ARMH3: variants seen among roughly 807,000 people sequenced by gnomAD.
ARMH3 encodes the protein armadillo like helical domain containing 3.
ARMH3 carries 60 observed loss-of-function variants against 99.1 expected under a neutral mutation model. The observed-to-expected ratio is 0.61, with a 90% CI of 0.49 to 0.75. The LOEUF is 0.75. ARMH3 is among the 30% of genes least tolerant of loss of function. The pLI is 0.00. For synonymous variants in ARMH3, 285 were observed against 292.8 expected (o/e 0.97, Z 0.27); for missense variants, 679 against 843.1 (o/e 0.81, Z 2.41).
At chr10:101,934,148 A>G (rs1229707419) in intron 23 of ARMH3, among the ~76,000 whole-genome samples, 1 of 151,982 alleles carries the variant, frequency 6.6e-6, no homozygotes, top group East Asian at 1.9e-4. Flanking sequence ...ATACTCAATA[A>G]CCCCATTATC....
intron 19 of ARMH3, among the ~76,000 whole-genome samples, chr10:101,985,846 G>A (rs1429619791): frequency 1.3e-5 from 2 of 151,902 alleles, no homozygotes; most frequent in Non-Finnish European, 2.9e-5. Context: ...GTGAAACCCT[G>A]TCTCTACTAA....
rs541238219 is a variant in ARMH3 at position 102,022,958 on chromosome 10, G to A, written c.669+519C>T. The stretch of plus-strand genomic sequence containing the variant: ...AATCCCAGCACTTTGGGAGGCCAAG[G>A]TGGGCAGATCACCTGACATTGGGAG... On this transcript the variant is annotated intron_variant, in intron 8 of 25. Transcript: ENST00000370033. Among the ~76,000 whole-genome samples the A allele has an allele frequency of 1.4e-4, 21 of 151,970 alleles. No individual in the cohort carries two copies. In the East Asian group the frequency reaches 3.5e-3, roughly 25 times the overall value.
chr10:101,873,031 AG>A (rs1355581658), intron 24 of ARMH3, among the ~76,000 whole-genome samples: 1 of 152,086 alleles, frequency 6.6e-6, no homozygotes, highest in Non-Finnish European at 1.5e-5. Flanking sequence ...CATAATTCCC[AG>A]TGTGGCAAAG....
chr10:101,952,951 C>T (rs1324194409), intron 22 of ARMH3, among the ~76,000 whole-genome samples: 1 of 152,208 alleles, frequency 6.6e-6, no homozygotes, highest in African/African-American at 2.4e-5. Flanking sequence ...AGCACAATAT[C>T]CTCAAGGTTC....
rs565991097 is a variant in ARMH3, at chr10:102,029,477, T to C, written c.414+161A>G. The stretch of plus-strand genomic sequence containing the variant: ...AATTTAAAATTTTCCTTTATTCAGA[T>C]AAAGCAAATCTGTGAAATAAAAACA... On this transcript the variant is annotated intron_variant, in intron 5 of 25. Transcript: ENST00000370033. 4.5e-6 allele frequency: 7 copies of C among 1,554,430 alleles called. No homozygotes were observed. In the East Asian group the frequency reaches 9.7e-5, roughly 22 times the overall value.
At chr10:102,018,015 T>C (rs1196731602) in intron 8 of ARMH3, among the ~76,000 whole-genome samples, 1 of 151,926 alleles carries the variant, frequency 6.6e-6, no homozygotes, top group African/African-American at 2.4e-5. Context: ...AAAAGAAAAT[T>C]CTCTCTCCAG....
At chr10:101,990,696 A>G (rs1283451192) in intron 18 of ARMH3, 85 bp from the exon 19 acceptor site, 8 of 1,011,758 alleles carry the variant, frequency 7.9e-6, no homozygotes, top group Non-Finnish European at 1.2e-5. Flanking sequence ...TTCTGAGTAC[A>G]CCTTGCACTC....
intron 19 of ARMH3, among the ~76,000 whole-genome samples, chr10:101,983,981 G>A (rs575613763): frequency 2.0e-5 from 3 of 152,196 alleles, no homozygotes; most frequent in African/African-American, 7.2e-5. Flanking sequence ...TAGGGACTGA[G>A]CCCTAAACCC....
At chr10:101,938,738 C>T (rs1490245846) in intron 23 of ARMH3, among the ~76,000 whole-genome samples, 2 of 152,206 alleles carry the variant, frequency 1.3e-5, no homozygotes. Flanking sequence ...GGCCTCACCA[C>T]AGTATCTGGA....
At chr10:101,938,739 A>G (rs140372197) in intron 23 of ARMH3, among the ~76,000 whole-genome samples, 8 of 152,198 alleles carry the variant, frequency 5.3e-5, no homozygotes, top group Non-Finnish European at 1.2e-4. Context: ...GCCTCACCAC[A>G]GTATCTGGAT....
chr10:101,881,111 T>C (rs2067405376), intron 24 of ARMH3, among the ~76,000 whole-genome samples: 1 of 152,238 alleles, frequency 6.6e-6, no homozygotes, highest in Non-Finnish European at 1.5e-5. Context: ...TAACCTGTTT[T>C]GTCATAATAC....
intron 25 of ARMH3, among the ~76,000 whole-genome samples, chr10:101,848,053 C>T (rs573823842): frequency 6.6e-6 from 1 of 152,334 alleles, no homozygotes; most frequent in South Asian, 2.1e-4. Context: ...TTCACTCTCC[C>T]TTTGGATTTA....
intron 24 of ARMH3, among the ~76,000 whole-genome samples, chr10:101,862,438 G>A (rs766978044): frequency 2.6e-5 from 4 of 152,076 alleles, no homozygotes; most frequent in Admixed American, 6.6e-5. Context: ...TTAGCTGGCC[G>A]TAGTGGCGCA....
Position 101,970,219 on chromosome 10 carries a change from T to C in ARMH3, c.1495+4993A>G, listed in dbSNP as rs760084338. Among the ~76,000 whole-genome samples the C allele has an allele frequency of 2.0e-4, 31 of 152,354 alleles. 1 individual carries two copies. The highest frequency in any genetic ancestry group is 6.8e-3 in the Middle Eastern group (2 of 294). ...TAGAAACCATCAAAGTTTCCATTTTTACTTGGTTAAAAGCAATCCATGCAC... is the reference window on the plus strand; with the variant it reads ...TAGAAACCATCAAAGTTTCCATTTTCACTTGGTTAAAAGCAATCCATGCAC... On this transcript the variant is annotated intron_variant, in intron 20 of 25. Coordinates refer to ENST00000370033, the MANE Select transcript of ARMH3 (RefSeq NM_024541.3).
At chr10:102,009,298 A>G in intron 13 of ARMH3, 76 bp downstream of exon 13, 1 of 1,358,498 alleles carries the variant, frequency 7.4e-7, no homozygotes, top group Non-Finnish European at 1.0e-6. Context: ...AAGTACAGCC[A>G]GATAGGCTTT....
chr10:102,050,644 G>A (rs2067678943), intron 1 of ARMH3, among the ~76,000 whole-genome samples: 1 of 150,372 alleles, frequency 6.7e-6, no homozygotes, highest in Non-Finnish European at 1.5e-5. Flanking sequence ...GATCACTTGA[G>A]GTCGGGAGTT....
chr10:101,899,406 A>T (rs765078333), intron 23 of ARMH3, among the ~76,000 whole-genome samples: 1 of 152,222 alleles, frequency 6.6e-6, no homozygotes, highest in Non-Finnish European at 1.5e-5. Flanking sequence ...GACTGAGTGT[A>T]TGTGGCAGTA....
intron 1 of ARMH3, among the ~76,000 whole-genome samples, chr10:102,051,943 G>C (rs1445026073): frequency 6.6e-6 from 1 of 152,022 alleles, no homozygotes; most frequent in Non-Finnish European, 1.5e-5. Flanking sequence ...CCTTCCGAAG[G>C]GGGAACCAGC....
intron 23 of ARMH3, among the ~76,000 whole-genome samples, chr10:101,897,256 G>T (rs1458920479): frequency 6.6e-6 from 1 of 152,178 alleles, no homozygotes; most frequent in African/African-American, 2.4e-5. Context: ...TCTGAAACTT[G>T]AACTAAAAGC....
Sources: allele counts gnomAD v4.1 joint callset (sites outside exome capture counted in the v4.1 genomes callset), GRCh38; gene constraint gnomAD v4.1.1; transcripts MANE v1.5; gene names NCBI Gene and HGNC (gene_info 2026-07-23, HGNC 2026-07-21).